The following DPP10 variants were observed in gnomAD, a reference collection of about 807,000 sequenced individuals.
DPP10 encodes the protein inactive dipeptidyl peptidase 10.
In DPP10, 33 loss-of-function variants were observed where a neutral mutation model predicts 120.9. The ratio of observed to expected loss-of-function variants is 0.27; its 90% confidence interval spans 0.21 to 0.37. The LOEUF (loss-of-function observed/expected upper bound fraction) is 0.37, where lower values mean the gene tolerates loss of function less well. Ranked by LOEUF, DPP10 falls within the 10% of genes least tolerant of loss-of-function variation. The probability of loss-of-function intolerance (pLI) is 1.00; values close to 1 mark genes in which losing one functional copy is unlikely to be tolerated. For missense variants in DPP10, 816 were observed against 942.8 expected, an observed-to-expected ratio of 0.87 and a Z score of 1.76; for synonymous variants, 337 against 326.1, an observed-to-expected ratio of 1.03 and a Z score of -0.36.
intron 1 of DPP10, among the ~76,000 whole-genome samples, chr2:114,693,980 A>G (rs1372349376): frequency 6.6e-6 from 1 of 151,910 alleles, no homozygotes; most frequent in Non-Finnish European, 1.5e-5. Flanking sequence ...AACCCAAGGA[A>G]AGCATATTCT....
rs2090883247 is a variant in DPP10, at chr2:115,684,754, T to C, written c.442-4933T>C. On this transcript the variant is annotated intron_variant, in intron 5 of 25. Coordinates refer to ENST00000410059, the MANE Select transcript of DPP10 (RefSeq NM_020868.6). ...CTTGACACGAATCCCCATAGGTGTCTTAGGTAATAACTGATATTCCAAGAA... is the reference window on the plus strand; with the variant it reads ...CTTGACACGAATCCCCATAGGTGTCCTAGGTAATAACTGATATTCCAAGAA... 2.0e-5 allele frequency among the ~76,000 whole-genome samples: 3 copies of C among 151,892 alleles called. No individual in the cohort carries two copies. The South Asian group carries it at 6.2e-4, about 31-fold the overall frequency.
At chr2:115,562,979 C>A (rs2080781854) in intron 5 of DPP10, among the ~76,000 whole-genome samples, 1 of 152,134 alleles carries the variant, frequency 6.6e-6, no homozygotes, top group Non-Finnish European at 1.5e-5. Context: ...ATCTTTCTTT[C>A]TATATGACAG....
intron 3 of DPP10, among the ~76,000 whole-genome samples, chr2:115,384,699 GAA>G (rs1355463229): frequency 7.5e-6 from 1 of 133,156 alleles, no homozygotes; most frequent in Non-Finnish European, 1.5e-5. Context: ...AGAAGAAAAA[GAA>G]AGAAGAAAGA....
At chr2:114,616,405 T>C (rs1196234750) in intron 1 of DPP10, among the ~76,000 whole-genome samples, 1 of 152,080 alleles carries the variant, frequency 6.6e-6, no homozygotes, top group East Asian at 1.9e-4. Context: ...TTTCCTACCA[T>C]TTGCCAGGAC....
At chr2:114,491,566 T>C (rs1450364909) in intron 1 of DPP10, among the ~76,000 whole-genome samples, 1 of 152,184 alleles carries the variant, frequency 6.6e-6, no homozygotes, top group East Asian at 1.9e-4. Flanking sequence ...GGATAAGAAA[T>C]ATCAGTTTCC....
rs145937740 is a variant in DPP10 at position 114,618,364 on chromosome 2, G to A, written c.60+175526G>A. Among the ~76,000 whole-genome samples, 633 of 152,100 alleles carry A rather than the reference G, an allele frequency of 4.2e-3. 5 individuals are homozygous for A. The highest frequency in any genetic ancestry group is 0.014 in the African/African-American group (599 of 41,512). On this transcript the variant is annotated intron_variant, in intron 1 of 25. Transcript: ENST00000410059. ...AATTATAAACAGCCATTAATGACAAGTACACAGGTCTCTCTCTCAACACAG... is the reference window on the plus strand; with the variant it reads ...AATTATAAACAGCCATTAATGACAAATACACAGGTCTCTCTCTCAACACAG...
Position 114,571,032 on chromosome 2 carries a change from A to C in DPP10, c.60+128194A>C, listed in dbSNP as rs371779562. On this transcript the variant is annotated intron_variant, in intron 1 of 25. Transcript: ENST00000410059. ...TCCAGGGACTCATCTACTGGATCAT[A>C]GTTAGACCCATAAGTAAAAATGACT... Among the ~76,000 whole-genome samples, 14 of 152,144 alleles carry C rather than the reference A, an allele frequency of 9.2e-5. No individual in the cohort carries two copies. The East Asian group carries it at 2.3e-3, about 25-fold the overall frequency.
rs182596620 is a variant in DPP10, at chr2:114,874,952, G to T, written c.60+432114G>T. On this transcript the variant is annotated intron_variant, in intron 1 of 25. Coordinates refer to ENST00000410059, the MANE Select transcript of DPP10 (RefSeq NM_020868.6). The stretch of plus-strand genomic sequence containing the variant: ...GGCAAGTGGTTTCTTTGCTGTTCAG[G>T]TATATGCCAGGTTCAACAGTTCCCA... Among the ~76,000 whole-genome samples, 175 of 152,168 alleles carry T rather than the reference G, an allele frequency of 1.2e-3. 1 individual carries two copies. The highest frequency in any genetic ancestry group is 3.7e-3 in the African/African-American group (153 of 41,534).
intron 19 of DPP10, among the ~76,000 whole-genome samples, chr2:115,792,210 A>G (rs78624387): frequency 0.023 from 3,481 of 152,180 alleles, 124 homozygotes; most frequent in African/African-American, 0.078. Context: ...ACCTCCTACA[A>G]GGCTAAGTTT....
chr2:114,653,027 A>AGTGT lies in DPP10; in HGVS notation c.60+210218_60+210221dup, dbSNP rs10528455. On this transcript the variant is annotated intron_variant, in intron 1 of 25. Transcript: ENST00000410059. ...GAGAGAGAAAGAGAGAGAGAGAGAG[A>AGTGT]GTGTGTGTGTGTGTGTGTGTGTGTG... Among the ~76,000 whole-genome samples, 1,109 of 135,808 alleles carry AGTGT rather than the reference A, an allele frequency of 8.2e-3. 8 individuals carry two copies. The highest frequency in any genetic ancestry group is 0.01 in the Non-Finnish European group (676 of 65,172). The allele number at this position is 135,808 out of a possible 152,430, so 89.1% of individuals were successfully genotyped here. A position where few individuals can be genotyped will look rare whatever the true frequency, so the allele number is the denominator to read the frequency against.
At chr2:114,594,576 T>C (rs1013257131) in intron 1 of DPP10, among the ~76,000 whole-genome samples, 1 of 148,176 alleles carries the variant, frequency 6.7e-6, no homozygotes, top group African/African-American at 2.5e-5. Flanking sequence ...CATATATACA[T>C]ATATATCTCA....
At chr2:115,047,943 G>A (rs942266510) in intron 1 of DPP10, among the ~76,000 whole-genome samples, 1 of 152,042 alleles carries the variant, frequency 6.6e-6, no homozygotes, top group Non-Finnish European at 1.5e-5. Context: ...TGTTCCCACA[G>A]TTCACTCTCT....
intron 1 of DPP10, among the ~76,000 whole-genome samples, chr2:114,506,354 C>T (rs1683654884): frequency 6.6e-6 from 1 of 152,162 alleles, no homozygotes; most frequent in Non-Finnish European, 1.5e-5. Flanking sequence ...CTTTCCAGCT[C>T]CCCTTCCTGC....
At chr2:115,570,936 C>T (rs2081301669) in intron 5 of DPP10, among the ~76,000 whole-genome samples, 1 of 152,132 alleles carries the variant, frequency 6.6e-6, no homozygotes, top group Non-Finnish European at 1.5e-5. Flanking sequence ...TGTTAGCACA[C>T]AACTGACTGC....
At chr2:115,694,636 G>T (rs890589447) in intron 7 of DPP10, among the ~76,000 whole-genome samples, 1 of 152,158 alleles carries the variant, frequency 6.6e-6, no homozygotes, top group Non-Finnish European at 1.5e-5. Flanking sequence ...GGGAATTATG[G>T]TAGAAAGAGA....
chr2:115,003,448 A>G (rs996157804), intron 1 of DPP10, among the ~76,000 whole-genome samples: 5 of 152,110 alleles, frequency 3.3e-5, no homozygotes, highest in African/African-American at 4.8e-5. Flanking sequence ...AATAATATAT[A>G]CACGAAACCC....
intron 3 of DPP10, among the ~76,000 whole-genome samples, chr2:115,488,733 G>A (rs1006980928): frequency 3.2e-5 from 4 of 124,156 alleles, no homozygotes; most frequent in Non-Finnish European, 6.7e-5. Context: ...ACTGTGGTGG[G>A]GTCGGGGGAG....
chr2:115,283,239 A>G (rs754349678), intron 1 of DPP10, among the ~76,000 whole-genome samples: 1 of 152,026 alleles, frequency 6.6e-6, no homozygotes, highest in Non-Finnish European at 1.5e-5. Context: ...ATATTTTTAG[A>G]AGTATATAAT....
intron 5 of DPP10, among the ~76,000 whole-genome samples, chr2:115,532,757 G>A (rs530328494): frequency 6.6e-6 from 1 of 152,024 alleles, no homozygotes; most frequent in Non-Finnish European, 1.5e-5. Flanking sequence ...AAACCTTGAT[G>A]ATCAGAATAT....
Sources: gnomAD v4.1 joint callset for allele counts (sites outside exome capture counted in the v4.1 genomes callset) on GRCh38, gnomAD v4.1.1 for gene constraint, MANE v1.5 for transcripts, NCBI Gene and HGNC (gene_info 2026-07-23, HGNC 2026-07-21) for gene names.